Variants in THBS2 observed in about 807,000 individuals in gnomAD.
The protein encoded by THBS2 is thrombospondin-2.
A neutral mutation model predicts 135.2 loss-of-function variants in THBS2; 47 were observed. The ratio of observed to expected loss-of-function variants is 0.35; its 90% CI spans 0.28 to 0.44. THBS2 has a LOEUF of 0.44. THBS2 is among the 20% of genes least tolerant of loss of function. The pLI is 1.00. For missense variants in THBS2, 1,288 were observed against 1,603.1 expected, an observed-to-expected ratio of 0.80 and a Z score of 3.36; for synonymous variants, 639 against 633.8, an observed-to-expected ratio of 1.01 and a Z score of -0.12.
intron 8 of THBS2, 23 bp downstream of exon 8, chr6:169,237,602 G>A (rs757243039): frequency 1.2e-6 from 2 of 1,610,722 alleles, no homozygotes; most frequent in Non-Finnish European, 1.7e-6. Flanking sequence ...CAGGCACGCG[G>A]GTGTCACCTG....
chr6:169,225,013 T>C, intron 17 of THBS2, 132 bp downstream of exon 17: 1 of 868,200 alleles, frequency 1.2e-6, no homozygotes, highest in Non-Finnish European at 1.8e-6. Flanking sequence ...ACCCACAGCT[T>C]TAAGAGGCCC....
Position 169,248,403 on chromosome 6 carries a change from C to CCTG in THBS2, c.609+11_609+13dup. On this transcript the variant is annotated intron_variant, in intron 3 of 21. Transcript: ENST00000617924. ...TTTCCTCCCTCACGGCGGCCACCTC[C>CCTG]CTGCAGAGCGTACCCTGAAGTGACT... 6.3e-7 allele frequency: 1 copy of CCTG among 1,589,110 alleles called. No homozygotes were observed. The highest frequency in any genetic ancestry group is 1.7e-5 in the Admixed American group (1 of 59,312).
intron 2 of THBS2, 34 bp from the exon 3 acceptor site, chr6:169,249,007 T>C (rs1780665008): frequency 1.9e-6 from 3 of 1,564,968 alleles, no homozygotes; most frequent in Non-Finnish European, 2.6e-6. Flanking sequence ...AAGGGTGACG[T>C]AGGGGAAGAG....
Position 169,239,839 on chromosome 6 carries a change from G to T in THBS2, c.1033-144C>A, listed in dbSNP as rs569222777. The T allele has an allele frequency of 1.3e-4, 87 of 673,478 alleles. No individual in the cohort carries two copies. In the East Asian group the frequency reaches 2.4e-3, roughly 18 times the overall value. The allele number at this position is 673,478 out of a possible 1,614,324, so 41.7% of individuals were successfully genotyped here. ...ACATTACAGAGATGTGAAAATAAGG[G>T]CATCTTTTTCTCCCATTAGTGCTGA... On this transcript the variant is annotated intron_variant, in intron 6 of 21. Transcript: ENST00000617924.
In THBS2 at chr6:169,234,772, T is replaced by C; in HGVS notation, c.1613A>G (p.Gln538Arg). ...CCTCTTGTTGCACATCTGACGCTCCTGCACATCCCCCACGCAGGCCTTCCC... is the reference window on the plus strand; with the variant it reads ...CCTCTTGTTGCACATCTGACGCTCCCGCACATCCCCCACGCAGGCCTTCCC... ...YGGKACVGDV[Q>R]ERQMCNKRSC... The change falls in exon 10 of 22, where the codon CAG (glutamine) becomes CGG (arginine). Residue 538 changes from glutamine to arginine, a missense_variant. Physicochemically the swap from Gln to Arg is conservative, Grantham distance 43 (BLOSUM62 1). This residue lies in a region of THBS2 where 874 missense variants were observed against 1,156.1 expected (regional missense o/e 0.76). Coordinates refer to ENST00000617924, the MANE Select transcript of THBS2 (RefSeq NM_003247.5). 1 of 1,604,134 alleles carries C rather than the reference T, an allele frequency of 6.2e-7. No homozygotes were observed. The highest frequency in any genetic ancestry group is 8.5e-7 in the Non-Finnish European group (1 of 1,173,832).
intron 7 of THBS2, 85 bp downstream of exon 7, chr6:169,239,514 G>T: frequency 7.3e-7 from 1 of 1,363,044 alleles, no homozygotes; most frequent in Non-Finnish European, 1.0e-6. Context: ...ACTCTTCTCT[G>T]CCAAAACCAA....
rs988966610 is a variant in THBS2, at chr6:169,216,726, G to A, written c.*1096C>T. On this transcript the variant is annotated 3_prime_UTR_variant, in exon 22 of 22. Transcript: ENST00000617924. ...TTTTCACAGGATTATATACTTATTA[G>A]ATGTTTGTTTCTAGAAATTATACTA... is the stretch of plus-strand genomic sequence containing the variant. 4 of 152,144 alleles carry A rather than the reference G, an allele frequency of 2.6e-5. No individual in the cohort carries two copies. The highest frequency in any genetic ancestry group is 9.7e-5 in the African/African-American group (4 of 41,416). The allele number at this position is 152,144 out of a possible 1,614,324, so 9.4% of individuals were successfully genotyped here. A position where few individuals can be genotyped will look rare whatever the true frequency, so the allele number is the denominator to read the frequency against.
chr6:169,241,739 G>A lies in THBS2; in HGVS notation c.891+23C>T, dbSNP rs371438254. The A allele has an allele frequency of 2.0e-5, 31 of 1,584,464 alleles. No homozygotes were observed. Among genetic ancestry groups the A allele is most frequent in the Non-Finnish European group, 2.4e-5 (28 of 1,159,508 alleles). On this transcript the variant is annotated intron_variant, in intron 5 of 21. Transcript: ENST00000617924. This position sits in a 1 kb window ranked among gnomAD's most constrained non-coding sequence, Gnocchi z 5.5. ...GAGCTGCCCATGCCCTATGACCCCC[G>A]CGGCCCCTGCGTGAGTACCCACCAC...
At chr6:169,227,744 A>G (rs1208637455) in intron 15 of THBS2, among the ~76,000 whole-genome samples, 2 of 152,226 alleles carry the variant, frequency 1.3e-5, no homozygotes, top group African/African-American at 4.8e-5. Context: ...AAAATTCAGA[A>G]TAAAACATGA....
Position 169,232,217 on chromosome 6 carries a change from C to T in THBS2, c.1933-19G>A, listed in dbSNP as rs750526839. 1 of 1,611,316 alleles carries T rather than the reference C, an allele frequency of 6.2e-7. No individual in the cohort carries two copies. The highest frequency in any genetic ancestry group is 8.5e-7 in the Non-Finnish European group (1 of 1,179,348). On this transcript the variant is annotated intron_variant, in intron 12 of 21. Transcript: ENST00000617924. ...CACACACCTACGGGGAGAAGGGCTG[C>T]GGGGTTAGCGACAGGCAGGACGATG...
At chr6:169,242,577 C>T (rs1171878792) in intron 4 of THBS2, among the ~76,000 whole-genome samples, 2 of 121,530 alleles carry the variant, frequency 1.6e-5, no homozygotes, top group Non-Finnish European at 3.4e-5. Flanking sequence ...TTCCCACCTT[C>T]CCCCAAATTC....
At chr6:169,249,282 G>C (rs1008392902) in intron 2 of THBS2, among the ~76,000 whole-genome samples, 1 of 152,114 alleles carries the variant, frequency 6.6e-6, no homozygotes, top group African/African-American at 2.4e-5. Flanking sequence ...GCAGCGCCCT[G>C]TCCGTTCAGC....
chr6:169,235,964 T>TCCCATCCACAGTCAC (rs1780031056), intron 9 of THBS2, among the ~76,000 whole-genome samples: 1 of 38,848 alleles, frequency 2.6e-5, no homozygotes. Flanking sequence ...CCACACTCAC[T>TCCCATCCACAGTCAC]CCCCCATCCA....
At chr6:169,236,487 C>A (rs1780080840) in intron 9 of THBS2, among the ~76,000 whole-genome samples, 1 of 79,340 alleles carries the variant, frequency 1.3e-5, no homozygotes, top group Admixed American at 1.6e-4. Flanking sequence ...CATCCACACT[C>A]ACTCTCCACA....
rs1401232244 is a variant in THBS2 at position 169,226,247 on chromosome 6, C to T, written c.2471G>A (p.Arg824Lys). 6.2e-7 allele frequency: 1 copy of T among 1,614,176 alleles called. No homozygotes were observed. The change falls in exon 16 of 22, where the codon AGG (arginine) becomes AAG (lysine). Residue 824 changes from arginine (R) to lysine (K), a missense_variant. Physicochemically the swap from Arg to Lys is conservative, Grantham distance 26. Transcript: ENST00000617924. ...NCPYVYNTDQ[R>K]DTDGDGVGDH... ...CCCCACACCGTCACCATCCGTGTCC[C>T]TCTGGTCAGTGTTGTAGACGTAGGG...
chr6:169,224,028 CAG>C (rs897748606), intron 17 of THBS2, among the ~76,000 whole-genome samples: 29 of 152,156 alleles, frequency 1.9e-4, no homozygotes, highest in Non-Finnish European at 2.1e-4. Flanking sequence ...CTGGTGCAAA[CAG>C]GGGGACCACG....
At position 169,225,181 on chromosome 6, in the gene THBS2, G is replaced by T. The variant is rs142602633; in HGVS notation, c.2737C>A (p.Arg913=). The T allele has an allele frequency of 2.5e-5, 41 of 1,614,192 alleles. No homozygotes were observed. The African/African-American group carries it at 5.3e-4, about 21-fold the overall frequency. Residue 913 remains arginine (R), a synonymous_variant, in exon 17 of 22, where the codon CGG becomes AGG. Coordinates refer to ENST00000617924, the MANE Select transcript of THBS2 (RefSeq NM_003247.5). ...TCCTGGTCTGGGTTGAACACAAGCC[G>T]GCAGTTGTCCCTGTCATCGGGGACG... The part of the protein sequence containing the change: ...DGVPDDRDNC[R]LVFNPDQEDL...
chr6:169,232,982 G>T lies in THBS2; in HGVS notation c.1687C>A (p.Gln563Lys). ...CLSNPCFPGA[Q>K]CSSFPDGSWS... Reference sequence around the variant, plus strand: ...GACCCATCGGGGAAGCTGCTGCACTGGGCTCCCGGGAAGCAGGGGTTGGAT... The same window carrying T: ...GACCCATCGGGGAAGCTGCTGCACTTGGCTCCCGGGAAGCAGGGGTTGGAT... The change falls in exon 11 of 22, where the codon CAG becomes AAG. Residue 563 changes from glutamine (Q) to lysine (K), a missense_variant. Physicochemically the swap from Gln to Lys is moderately conservative, Grantham distance 53 (BLOSUM62 1). This residue lies in a region of THBS2 where 874 missense variants were observed against 1,156.1 expected (regional missense o/e 0.76). Transcript: ENST00000617924. 1 of 1,550,672 alleles carries T rather than the reference G, an allele frequency of 6.4e-7. No homozygotes were observed. The highest frequency in any genetic ancestry group is 8.7e-7 in the Non-Finnish European group (1 of 1,150,334).
chr6:169,249,235 G>T (rs916089504), intron 2 of THBS2, among the ~76,000 whole-genome samples: 1 of 152,224 alleles, frequency 6.6e-6, no homozygotes, highest in Non-Finnish European at 1.5e-5. Context: ...CTGGCTGGTC[G>T]AGGAGCGTGT....
Sources: allele counts gnomAD v4.1 joint callset (sites outside exome capture counted in the v4.1 genomes callset), GRCh38; gene constraint gnomAD v4.1.1; regional missense constraint gnomAD v4.1.1; non-coding constraint Gnocchi (gnomAD v3.1); transcripts MANE v1.5; gene names NCBI Gene and HGNC (gene_info 2026-07-23, HGNC 2026-07-21).